Variants in ZNF609 observed in about 807,000 individuals in gnomAD.
ZNF609 encodes the protein zinc finger protein 609.
ZNF609 carries 11 observed loss-of-function variants against 109.5 expected under a neutral mutation model. That is an observed-to-expected ratio of 0.10 (90% confidence interval 0.06 to 0.17). The LOEUF is 0.17. Ranked by LOEUF, ZNF609 falls within the 10% of genes least tolerant of loss-of-function variation. The pLI, the probability that ZNF609 is intolerant of heterozygous loss-of-function variation, is 1.00. For missense variants in ZNF609, 1,559 were observed against 1,772.4 expected (o/e 0.88, Z 2.16); for synonymous variants, 646 against 662.0 (o/e 0.98, Z 0.37).
intron 1 of ZNF609, among the ~76,000 whole-genome samples, chr15:64,466,150 G>T (rs955196456): frequency 1.3e-5 from 2 of 151,502 alleles, no homozygotes; most frequent in Non-Finnish European, 2.9e-5. Flanking sequence ...GTTAGCGGGG[G>T]GTATAGCATT....
chr15:64,583,376 AAAAAT>A (rs1895144612), intron 2 of ZNF609, among the ~76,000 whole-genome samples: 1 of 151,966 alleles, frequency 6.6e-6, no homozygotes, highest in South Asian at 2.1e-4. Flanking sequence ...AATTAAATTT[AAAAAT>A]AAAAATAAAA....
At position 64,499,963 on chromosome 15, in the gene ZNF609, G is replaced by C. The variant is rs371029787; in HGVS notation, c.544G>C (p.Asp182His). 2.5e-6 allele frequency: 4 copies of C among 1,613,990 alleles called. No homozygotes were observed. In the African/African-American group the frequency reaches 5.3e-5, roughly 22 times the overall value. The part of the protein sequence containing the change: ...SEGVGTCSEK[D>H]PGVLQPVPLG... ...AGGAGTGGGGACTTGTTCAGAAAAGGATCCTGGGGTCCTCCAGCCAGTTCC... is the reference window on the plus strand; with the variant it reads ...AGGAGTGGGGACTTGTTCAGAAAAGCATCCTGGGGTCCTCCAGCCAGTTCC... Residue 182 changes from aspartate (D) to histidine (H), a missense_variant, in exon 2 of 10, where the codon GAT becomes CAT. By Grantham distance (81) the Asp-to-His change is moderately conservative. This residue lies in a region of ZNF609 where 291 missense variants were observed against 317.8 expected (regional missense o/e 0.92). Coordinates refer to ENST00000326648, the MANE Select transcript of ZNF609 (RefSeq NM_015042.2).
intron 2 of ZNF609, among the ~76,000 whole-genome samples, chr15:64,572,666 G>T (rs1339196687): frequency 6.6e-6 from 1 of 152,004 alleles, no homozygotes; most frequent in African/African-American, 2.4e-5. Flanking sequence ...GCCAAGGCAG[G>T]CAGTTCACCT....
chr15:64,655,948 G>A (rs1357914795), intron 3 of ZNF609, among the ~76,000 whole-genome samples: 1 of 152,108 alleles, frequency 6.6e-6, no homozygotes, highest in African/African-American at 2.4e-5. Context: ...AACTAACAAG[G>A]GGAAGCTGAA....
chr15:64,673,170 C>G (rs189260021), intron 4 of ZNF609, among the ~76,000 whole-genome samples: 179 of 152,194 alleles, frequency 1.2e-3, no homozygotes, highest in African/African-American at 3.8e-3. Flanking sequence ...TTCTGGGAAC[C>G]CAAAGGAGAT....
At chr15:64,620,284 C>T (rs1181766983) in intron 2 of ZNF609, among the ~76,000 whole-genome samples, 1 of 152,100 alleles carries the variant, frequency 6.6e-6, no homozygotes, top group Non-Finnish European at 1.5e-5. Flanking sequence ...ACAGTTCTTC[C>T]CCAAGAGAAA....
At chr15:64,612,544 T>A (rs1895733877) in intron 2 of ZNF609, among the ~76,000 whole-genome samples, 1 of 152,118 alleles carries the variant, frequency 6.6e-6, no homozygotes, top group Non-Finnish European at 1.5e-5. Context: ...TATAAGATAT[T>A]TTGGAAATTA....
chr15:64,654,243 A>AC (rs1477333048), intron 3 of ZNF609: 2 of 151,882 alleles, frequency 1.3e-5, no homozygotes, highest in Non-Finnish European at 2.9e-5. Context: ...CTCCATGTTG[A>AC]CCAGGCTAGT....
chr15:64,676,347 C>T (rs534169319), intron 5 of ZNF609, 91 bp downstream of exon 5: 11 of 1,216,430 alleles, frequency 9.0e-6, no homozygotes, highest in Admixed American at 2.7e-5. Flanking sequence ...AGGGGTTCAA[C>T]GGAATTGAGA....
rs1057510498 is a variant in ZNF609, at chr15:64,684,489, C to T, written c.*2803C>T. ...CTTTAGGATCCACATCAACTACTTC[C>T]TCATTTTAAGGTATGGCAGTTCCCT... On this transcript the variant is annotated 3_prime_UTR_variant, in exon 10 of 10. Transcript: ENST00000326648. The T allele has an allele frequency of 6.6e-6, 1 of 152,252 alleles. No individual in the cohort carries two copies. Among genetic ancestry groups the T allele is most frequent in the East Asian group, 1.9e-4 (1 of 5,192 alleles). The allele number at this position is 152,252 out of a possible 1,614,324, so 9.4% of individuals were successfully genotyped here. A position where few individuals can be genotyped will look rare whatever the true frequency, so the allele number is the denominator to read the frequency against.
At chr15:64,650,021 G>A (rs1047043534) in intron 3 of ZNF609, among the ~76,000 whole-genome samples, 1 of 151,376 alleles carries the variant, frequency 6.6e-6, no homozygotes, top group African/African-American at 2.4e-5. Context: ...GCATGTGCCA[G>A]TAAGTCCCAA....
intron 2 of ZNF609, among the ~76,000 whole-genome samples, chr15:64,561,621 C>A (rs2088121605): frequency 1.3e-5 from 2 of 149,346 alleles, no homozygotes; most frequent in South Asian, 4.2e-4. Context: ...GCCACGAACT[C>A]CTGGGCACAG....
At chr15:64,551,044 C>G (rs1894460233) in intron 2 of ZNF609, among the ~76,000 whole-genome samples, 1 of 152,036 alleles carries the variant, frequency 6.6e-6, no homozygotes, top group Non-Finnish European at 1.5e-5. Flanking sequence ...ATGTTTTTCT[C>G]TAAGAGTTTT....
chr15:64,520,589 G>GT (rs1391979938), intron 2 of ZNF609, among the ~76,000 whole-genome samples: 3 of 151,800 alleles, frequency 2.0e-5, no homozygotes, highest in East Asian at 1.9e-4. Flanking sequence ...TTTTCTTTTT[G>GT]TTTTTTTATT....
At chr15:64,540,469 A>G (rs1396005035) in intron 2 of ZNF609, among the ~76,000 whole-genome samples, 2 of 151,782 alleles carry the variant, frequency 1.3e-5, no homozygotes, top group African/African-American at 2.4e-5. Flanking sequence ...CAGTGGTGCA[A>G]TCTTGACTCA....
intron 2 of ZNF609, among the ~76,000 whole-genome samples, chr15:64,545,782 A>G (rs1894349311): frequency 6.6e-6 from 1 of 152,154 alleles, no homozygotes; most frequent in African/African-American, 2.4e-5. Flanking sequence ...TTTTGTGTCC[A>G]GCTTCTTTCA....
rs577512009 is a variant in ZNF609 at position 64,513,408 on chromosome 15, C to T, written c.747+13242C>T. On this transcript the variant is annotated intron_variant, in intron 2 of 9. Transcript: ENST00000326648. ...ATGTAGGGATTTGAAATCAAACAAG[C>T]TGATTGCTTATTACAATTTCAGAAG... is the stretch of plus-strand genomic sequence containing the variant. 1.4e-4 allele frequency among the ~76,000 whole-genome samples: 21 copies of T among 152,292 alleles called. No individual in the cohort carries two copies. The East Asian group carries it at 1.9e-3, about 14-fold the overall frequency.
intron 2 of ZNF609, among the ~76,000 whole-genome samples, chr15:64,604,660 G>T (rs910571500): frequency 3.3e-5 from 5 of 152,096 alleles, no homozygotes; most frequent in Non-Finnish European, 7.4e-5. Flanking sequence ...TAGAAATCTG[G>T]CTCAAGCTAG....
chr15:64,529,079 C>G, intron 2 of ZNF609: 1 of 1,041,644 alleles, frequency 9.6e-7, no homozygotes, highest in Non-Finnish European at 1.5e-6. Flanking sequence ...GCCCTGCAGC[C>G]ATCACGTGAC....
Sources: gnomAD v4.1 joint callset for allele counts (sites outside exome capture counted in the v4.1 genomes callset) on GRCh38, gnomAD v4.1.1 for gene constraint, gnomAD v4.1.1 regional missense constraint, MANE v1.5 for transcripts, NCBI Gene and HGNC (gene_info 2026-07-23, HGNC 2026-07-21) for gene names.